The following SOAT1 variants were observed in gnomAD, a reference collection of about 807,000 sequenced individuals.
SOAT1 encodes sterol O-acyltransferase 1.
In SOAT1, 55 loss-of-function variants were observed where a neutral mutation model predicts 69.5. The ratio of observed to expected loss-of-function variants is 0.79; its 90% CI spans 0.64 to 0.99. The LOEUF is 0.99. SOAT1 is among the 50% of genes least tolerant of loss of function. The probability of loss-of-function intolerance (pLI) is 0.00; values close to 1 mark genes in which losing one functional copy is unlikely to be tolerated. For missense variants in SOAT1, 580 were observed against 669.3 expected (o/e 0.87, Z 1.47); for synonymous variants, 231 against 224.7 (o/e 1.03, Z -0.25).
intron 10 of SOAT1, 33 bp from the exon 11 acceptor site, chr1:179,344,914 C>T (rs530837057): frequency 2.7e-5 from 44 of 1,611,170 alleles, no homozygotes; most frequent in East Asian, 1.3e-4. Flanking sequence ...ATTAAGCCAT[C>T]GTTATTATAA....
intron 11 of SOAT1, 143 bp downstream of exon 11, chr1:179,345,219 C>T (rs1216714891): frequency 2.7e-6 from 2 of 734,366 alleles, no homozygotes; most frequent in East Asian, 2.6e-5. Flanking sequence ...TTTGCATCTA[C>T]TTTATAAATG....
chr1:179,338,006 T>C, intron 5 of SOAT1, 110 bp downstream of exon 5: 1 of 660,744 alleles, frequency 1.5e-6, no homozygotes, highest in Non-Finnish European at 2.4e-6. Context: ...GTATAAATCA[T>C]TAGTGGGTTT....
Position 179,353,208 on chromosome 1 carries a change from A to AATAT in SOAT1, c.1597-364_1597-361dup, listed in dbSNP as rs200860761. Among the ~76,000 whole-genome samples, 24 of 8,206 alleles carry AATAT rather than the reference A, an allele frequency of 2.9e-3. 5 individuals carry two copies. Among genetic ancestry groups the AATAT allele is most frequent in the Non-Finnish European group, 6.0e-3 (20 of 3,320 alleles). The allele number at this position is 8,206 out of a possible 152,430, so 5.4% of individuals were successfully genotyped here. A position where few individuals can be genotyped will look rare whatever the true frequency, so the allele number is the denominator to read the frequency against. ...AAAATCTAAATGGTGGTTATATATAAATATATATATATATATCTATTTGTC... is the reference window on the plus strand; with the variant it reads ...AAAATCTAAATGGTGGTTATATATAAATATATATATATATATATATCTATTTGTC... On this transcript the variant is annotated intron_variant, in intron 15 of 15. Coordinates refer to ENST00000367619, the MANE Select transcript of SOAT1 (RefSeq NM_003101.6).
chr1:179,318,642 A>G (rs1409089925), intron 2 of SOAT1, among the ~76,000 whole-genome samples: 1 of 152,110 alleles, frequency 6.6e-6, no homozygotes, highest in Non-Finnish European at 1.5e-5. Context: ...CTCACTCTCT[A>G]GGCAACCACC....
intron 2 of SOAT1, among the ~76,000 whole-genome samples, chr1:179,308,409 C>A (rs1665095032): frequency 6.6e-6 from 1 of 152,056 alleles, no homozygotes; most frequent in Non-Finnish European, 1.5e-5. Context: ...CGGTGGCTCA[C>A]TCCTGTAATC....
intron 2 of SOAT1, among the ~76,000 whole-genome samples, chr1:179,305,572 G>C (rs1172151971): frequency 6.6e-6 from 1 of 152,156 alleles, no homozygotes; most frequent in Non-Finnish European, 1.5e-5. Context: ...TGGAATATAT[G>C]TTTTCAGTTC....
At chr1:179,322,375 CT>C (rs1283201364) in intron 2 of SOAT1, among the ~76,000 whole-genome samples, 3 of 151,222 alleles carry the variant, frequency 2.0e-5, no homozygotes, top group South Asian at 2.1e-4. Flanking sequence ...GACTATTCTC[CT>C]TTTTTTTCTT....
At chr1:179,349,090 A>G in intron 13 of SOAT1, 148 bp downstream of exon 13, 1 of 604,620 alleles carries the variant, frequency 1.7e-6, no homozygotes. Context: ...TGAGAAATTT[A>G]CATCTAGAAA....
In SOAT1 at chr1:179,343,582, T is replaced by G. The variant is rs199681323; in HGVS notation, c.942-8T>G. On this transcript the variant is annotated splice_polypyrimidine_tract_variant and splice_region_variant and intron_variant, in intron 9 of 15. Coordinates refer to ENST00000367619, the MANE Select transcript of SOAT1 (RefSeq NM_003101.6). ...TAGAAACCTTATTTTTGTTTCTTTC[T>G]TTTTCAGGAATCCCACTGTAAGATG... 6 of 1,606,548 alleles carry G rather than the reference T, an allele frequency of 3.7e-6. No individual in the cohort carries two copies. Among genetic ancestry groups the G allele is most frequent in the Non-Finnish European group, 5.1e-6 (6 of 1,175,614 alleles).
At chr1:179,341,962 T>C in intron 7 of SOAT1, 152 bp from the exon 8 acceptor site, 1 of 875,506 alleles carries the variant, frequency 1.1e-6, no homozygotes, top group Non-Finnish European at 1.6e-6. Flanking sequence ...TTTTGTCATG[T>C]AACTATATAA....
chr1:179,319,689 T>C (rs1322372946), intron 2 of SOAT1, among the ~76,000 whole-genome samples: 1 of 152,204 alleles, frequency 6.6e-6, no homozygotes, highest in East Asian at 1.9e-4. Flanking sequence ...CATTCTTGGC[T>C]TACTGCAACT....
chr1:179,333,112 T>C (rs1379134575), intron 3 of SOAT1, among the ~76,000 whole-genome samples: 1 of 152,236 alleles, frequency 6.6e-6, no homozygotes. Context: ...TAGGATTTGC[T>C]TAAATTACAA....
intron 1 of SOAT1, among the ~76,000 whole-genome samples, chr1:179,300,496 G>A (rs1041840579): frequency 6.6e-6 from 1 of 152,204 alleles, no homozygotes; most frequent in Admixed American, 6.5e-5. Context: ...TTCATCTGCT[G>A]TTCCACAATT....
At chr1:179,326,843 A>T (rs2124971116) in intron 3 of SOAT1, among the ~76,000 whole-genome samples, 1 of 152,214 alleles carries the variant, frequency 6.6e-6, no homozygotes, top group Middle Eastern at 3.4e-3. Flanking sequence ...TACAGGCATG[A>T]GCCACCGCAC....
At chr1:179,298,320 C>T (rs1423574953) in intron 1 of SOAT1, among the ~76,000 whole-genome samples, 2 of 151,976 alleles carry the variant, frequency 1.3e-5, no homozygotes, top group African/African-American at 4.8e-5. Flanking sequence ...GATCTCCTGA[C>T]CTGGTGATCT....
intron 3 of SOAT1, among the ~76,000 whole-genome samples, chr1:179,332,321 C>A (rs1334012327): frequency 6.6e-6 from 1 of 152,060 alleles, no homozygotes; most frequent in African/African-American, 2.4e-5. Context: ...TGATCTAGTC[C>A]CTACTTGCTT....
chr1:179,336,845 A>G (rs1174796925), intron 4 of SOAT1, among the ~76,000 whole-genome samples: 1 of 152,044 alleles, frequency 6.6e-6, no homozygotes, highest in Admixed American at 6.6e-5. Context: ...AAATACAAAA[A>G]TTAGCCGGGT....
intron 2 of SOAT1, among the ~76,000 whole-genome samples, chr1:179,305,564 G>A (rs945226983): frequency 2.0e-5 from 3 of 152,148 alleles, no homozygotes; most frequent in Non-Finnish European, 4.4e-5. Context: ...GAAGCTTATG[G>A]AATATATGTT....
At chr1:179,335,432 G>T in intron 3 of SOAT1, 74 bp from the exon 4 acceptor site, 2 of 1,299,922 alleles carry the variant, frequency 1.5e-6, no homozygotes, top group Non-Finnish European at 2.1e-6. Context: ...GTTTAAGGGA[G>T]CCCTTTAGAG....
Sources: gnomAD v4.1 joint callset for allele counts (sites outside exome capture counted in the v4.1 genomes callset) on GRCh38, gnomAD v4.1.1 for gene constraint, MANE v1.5 for transcripts, NCBI Gene and HGNC (gene_info 2026-07-23, HGNC 2026-07-21) for gene names.